The following ZNF674 variants were observed in gnomAD, a reference collection of about 807,000 sequenced individuals.
ZNF674 encodes zinc finger protein 674, also known as zinc finger family member 674.
A neutral mutation model predicts 7.0 loss-of-function variants in ZNF674; 2 were observed. That is an observed-to-expected ratio of 0.29 (90% CI 0.12 to 0.90). The LOEUF (loss-of-function observed/expected upper bound fraction) is 0.90. Among genes scored for constraint, ZNF674 ranks in the 40% least tolerant of loss-of-function variants. ZNF674 has a pLI of 0.57. For synonymous variants in ZNF674, 103 were observed against 145.2 expected, an observed-to-expected ratio of 0.71 and a Z score of 2.09; for missense variants, 297 against 415.5, an observed-to-expected ratio of 0.71 and a Z score of 2.48.
In ZNF674 at chrX:46,501,188, G is replaced by A; in HGVS notation, c.386C>T (p.Thr129Ile). 8.3e-7 allele frequency: 1 copy of A among 1,210,679 alleles called. No homozygotes were observed. The highest frequency in any genetic ancestry group is 1.1e-6 in the Non-Finnish European group (1 of 894,785). ...KICRKIIYLN[T>I]DFVSVKQRLP... ...TCTTTGTTTTACAGAAACAAAGTCT[G>A]TGTTGAGATAAATGATTTTTCTACA... Residue 129 changes from threonine to isoleucine, a missense_variant, in exon 6 of 6, where the codon ACA becomes ATA. By Grantham distance (89) the Thr-to-Ile change is moderately conservative (BLOSUM62 -1). Coordinates refer to ENST00000683375, the MANE Select transcript of ZNF674 (RefSeq NM_001190417.2).
At chrX:46,528,981 C>T (rs748309794) in intron 3 of ZNF674, 72 bp from the exon 4 acceptor site, 24 of 1,207,284 alleles carry the variant, frequency 2.0e-5, no homozygotes, top group East Asian at 5.9e-5. Context: ...CTCACACACA[C>T]GGAGGGCTTA....
At chrX:46,510,145 G>T (rs772262407) in intron 5 of ZNF674, among the ~76,000 whole-genome samples, 1 of 69,457 alleles carries the variant, frequency 1.4e-5, no homozygotes, top group South Asian at 1.3e-3. Context: ...GTTGTGGGGT[G>T]GGGGGAGGGG....
intron 5 of ZNF674, among the ~76,000 whole-genome samples, chrX:46,526,467 G>A (rs1001707863): frequency 3.6e-5 from 4 of 110,065 alleles, no homozygotes; most frequent in Non-Finnish European, 5.7e-5. Flanking sequence ...TTTTATACAC[G>A]GGGGCTCACT....
chrX:46,506,456 T>G (rs1400187491), intron 5 of ZNF674, among the ~76,000 whole-genome samples: 2 of 110,707 alleles, frequency 1.8e-5, no homozygotes, highest in Non-Finnish European at 3.8e-5. Context: ...ATTTATTTCC[T>G]ATCAGGCACC....
chrX:46,544,731 A>T (rs67575042), intron 1 of ZNF674, 120 bp from the exon 2 acceptor site: 1 of 112,077 alleles, frequency 8.9e-6, no homozygotes, highest in Non-Finnish European at 1.9e-5. Flanking sequence ...CCCTCATTCT[A>T]GTTTTAAGAG....
In ZNF674 at chrX:46,509,941, A is replaced by G. The variant is rs770787805; in HGVS notation, c.239-8606T>C. ...TAAGAAAATGTGGCACATATACACCATGGAATACTATGCAGCCATAAAAAA... is the reference window on the plus strand; with the variant it reads ...TAAGAAAATGTGGCACATATACACCGTGGAATACTATGCAGCCATAAAAAA... On this transcript the variant is annotated intron_variant, in intron 5 of 5. Transcript: ENST00000683375. Among the ~76,000 whole-genome samples, 575 of 110,951 alleles carry G rather than the reference A, an allele frequency of 5.2e-3. 5 individuals carry two copies. The highest frequency in any genetic ancestry group is 0.019 in the East Asian group (68 of 3,529).
chrX:46,522,405 C>A (rs958573485), intron 5 of ZNF674, among the ~76,000 whole-genome samples: 1 of 111,465 alleles, frequency 9.0e-6, no homozygotes, highest in Non-Finnish European at 1.9e-5. Context: ...GTGGCTAATA[C>A]CTGTAATCCC....
At chrX:46,537,011 C>G (rs1185223380) in intron 3 of ZNF674, among the ~76,000 whole-genome samples, 1 of 111,971 alleles carries the variant, frequency 8.9e-6, no homozygotes, top group Non-Finnish European at 1.9e-5. Context: ...TGGCTCACGC[C>G]TGTAATCCTA....
At chrX:46,522,347 C>T (rs536009204) in intron 5 of ZNF674, among the ~76,000 whole-genome samples, 2 of 110,534 alleles carry the variant, frequency 1.8e-5, no homozygotes, top group East Asian at 5.7e-4. Flanking sequence ...AGCCTTAAAC[C>T]GGAAACAACC....
chrX:46,545,277 G>C (rs1423410196), intron 1 of ZNF674, 94 bp downstream of exon 1: 1 of 110,901 alleles, frequency 9.0e-6, no homozygotes, highest in African/African-American at 3.3e-5. Flanking sequence ...GCTCACCCGT[G>C]GCCCCATGAC....
At chrX:46,539,067 C>T (rs747562548) in intron 3 of ZNF674, among the ~76,000 whole-genome samples, 29 of 111,414 alleles carry the variant, frequency 2.6e-4, no homozygotes, top group Non-Finnish European at 5.3e-4. Context: ...CGCCTGTGGT[C>T]CCAGCTATTC....
intron 5 of ZNF674, among the ~76,000 whole-genome samples, chrX:46,510,163 T>C (rs1941625700): frequency 2.2e-5 from 2 of 92,605 alleles, no homozygotes; most frequent in Non-Finnish European, 2.1e-5. Flanking sequence ...GGGGGAGGGA[T>C]AGCATTGGGA....
chrX:46,535,153 CT>C (rs1011319459), intron 3 of ZNF674, among the ~76,000 whole-genome samples: 2 of 108,758 alleles, frequency 1.8e-5, no homozygotes, highest in Admixed American at 9.9e-5. Context: ...AATTTTTTTT[CT>C]TTTTTTTTGG....
At chrX:46,541,254 G>A (rs746807558) in intron 3 of ZNF674, among the ~76,000 whole-genome samples, 8 of 107,250 alleles carry the variant, frequency 7.5e-5, no homozygotes, top group East Asian at 2.9e-4. Context: ...CCAGGTACTC[G>A]GTTGGCTGAG....
Position 46,522,322 on chromosome X carries a change from A to G in ZNF674, c.238+6028T>C, listed in dbSNP as rs2042986311. On this transcript the variant is annotated intron_variant, in intron 5 of 5. Transcript: ENST00000683375. ...AAACATGTAAAATAATGGCAGTATT[A>G]TCATTAACTATACTAGCCTTAAACC... Among the ~76,000 whole-genome samples the G allele has an allele frequency of 4.5e-5, 5 of 110,548 alleles. No homozygotes were observed. The South Asian group carries it at 1.9e-3, about 43-fold the overall frequency.
At chrX:46,515,782 T>A (rs770392740) in intron 5 of ZNF674, among the ~76,000 whole-genome samples, 3 of 111,005 alleles carry the variant, frequency 2.7e-5, no homozygotes, top group East Asian at 5.7e-4. Flanking sequence ...CTAATGTTTT[T>A]TATTTTTGGT....
At chrX:46,514,587 G>A (rs1422218112) in intron 5 of ZNF674, among the ~76,000 whole-genome samples, 1 of 112,077 alleles carries the variant, frequency 8.9e-6, no homozygotes, top group Non-Finnish European at 1.9e-5. Flanking sequence ...TGCAGTCAGG[G>A]GACTCCAGCT....
At chrX:46,543,047 T>C (rs1050657593) in intron 2 of ZNF674, among the ~76,000 whole-genome samples, 2 of 110,666 alleles carry the variant, frequency 1.8e-5, no homozygotes, top group African/African-American at 6.6e-5. Context: ...ACCTCCCGGG[T>C]TCAAGCGATT....
At chrX:46,501,472 C>A in intron 5 of ZNF674, 137 bp from the exon 6 acceptor site, 1 of 560,790 alleles carries the variant, frequency 1.8e-6, no homozygotes, top group Non-Finnish European at 2.8e-6. Context: ...TTCCCATGTC[C>A]CAGGCTCAAA....
Sources: allele counts gnomAD v4.1 joint callset (sites outside exome capture counted in the v4.1 genomes callset), GRCh38; gene constraint gnomAD v4.1.1; transcripts MANE v1.5; gene names NCBI Gene and HGNC (gene_info 2026-07-23, HGNC 2026-07-21).